The following TASOR2 variants were observed in gnomAD, a reference collection of about 807,000 sequenced individuals.
The protein encoded by TASOR2 is protein TASOR 2.
In TASOR2, 84 loss-of-function variants were observed where a neutral mutation model predicts 199.5. The observed-to-expected ratio is 0.42, with a 90% CI of 0.35 to 0.50. The LOEUF (loss-of-function observed/expected upper bound fraction) is 0.50. Among genes scored for constraint, TASOR2 ranks in the 20% least tolerant of loss-of-function variants. The probability of loss-of-function intolerance (pLI) is 0.02; values close to 1 mark genes in which losing one functional copy is unlikely to be tolerated. For synonymous variants in TASOR2, 1,103 were observed against 1,046.6 expected, an observed-to-expected ratio of 1.05 and a Z score of -1.04; for missense variants, 2,796 against 2,835.9, an observed-to-expected ratio of 0.99 and a Z score of 0.32.
intron 6 of TASOR2, among the ~76,000 whole-genome samples, chr10:5,721,578 G>A (rs1162707067): frequency 1.3e-5 from 2 of 151,970 alleles, no homozygotes; most frequent in African/African-American, 2.4e-5. Context: ...AGAGGTAGGA[G>A]TATAATAACC....
exon 15 of TASOR2, chr10:5,747,618 A>G (rs1166926811): frequency 6.2e-7 from 1 of 1,614,236 alleles, no homozygotes; most frequent in South Asian, 1.1e-5. Context: ...TTGAAGAAGT[A>G]TCACCAGCGT....
At chr10:5,733,431 C>G (rs964480369) in intron 11 of TASOR2, among the ~76,000 whole-genome samples, 6 of 152,142 alleles carry the variant, frequency 3.9e-5, no homozygotes, top group Admixed American at 1.3e-4. Flanking sequence ...TCTCTTGAAC[C>G]TGGGAGGGAG....
Position 5,740,935 on chromosome 10 carries a change from C to G in TASOR2, c.2327+438C>G, listed in dbSNP as rs1428495277. On this transcript the variant is annotated intron_variant, in intron 13 of 20. Coordinates refer to ENST00000328090, the Ensembl canonical transcript of TASOR2. The surrounding 1 kb of genome is among the most constrained non-coding windows in gnomAD (Gnocchi z 5.3). The stretch of plus-strand genomic sequence containing the variant: ...GTAAGCAGTTTCACATAAGATTGTT[C>G]TATAGATCTCCCTTAAGAAGGAATC... 6.6e-6 allele frequency among the ~76,000 whole-genome samples: 1 copy of G among 152,170 alleles called. No homozygotes were observed.
In TASOR2 at chr10:5,718,523, G is replaced by C. The variant is rs144563577; in HGVS notation, c.-100+773G>C. Among the ~76,000 whole-genome samples, 353 of 152,020 alleles carry C rather than the reference G, an allele frequency of 2.3e-3. 2 individuals are homozygous for C. The highest frequency in any genetic ancestry group is 8.1e-3 in the African/African-American group (336 of 41,488). On this transcript the variant is annotated intron_variant, in intron 3 of 20. Coordinates refer to ENST00000328090, the Ensembl canonical transcript of TASOR2. ...AGCACTTTGGGAGGCCGAGGCGGGT[G>C]GATCACCTGAGGTCAGGAGTTTGAG... is the stretch of plus-strand genomic sequence containing the variant.
exon 15 of TASOR2, chr10:5,749,728 G>A (rs755328662): frequency 1.2e-6 from 2 of 1,614,174 alleles, no homozygotes; most frequent in Non-Finnish European, 1.7e-6. Context: ...TACTGTGAAG[G>A]AATCTCGGAA....
intron 1 of TASOR2, among the ~76,000 whole-genome samples, chr10:5,703,661 G>C (rs1223485710): frequency 6.6e-6 from 1 of 151,270 alleles, no homozygotes; most frequent in East Asian, 1.9e-4. Flanking sequence ...CCGCCACCAC[G>C]CCCGGCTAAT....
chr10:5,714,548 A>G (rs1832357281), intron 2 of TASOR2: 1 of 174,666 alleles, frequency 5.7e-6, no homozygotes, highest in Non-Finnish European at 1.2e-5. Context: ...AACTTACACT[A>G]CAGTGATAAT....
intron 7 of TASOR2, 137 bp downstream of exon 8, chr10:5,723,914 G>T: frequency 2.1e-6 from 1 of 480,696 alleles, no homozygotes. Context: ...TAAGAAAGCT[G>T]TAGAGTTACT....
chr10:5,710,676 A>G lies in TASOR2; in HGVS notation c.-287-2147A>G, dbSNP rs977788543. ...AACTTAAATCTGTGCCTACCTATTA[A>G]TGACTTACAGAATTTAGAGAAGTTG... On this transcript the variant is annotated intron_variant, in intron 1 of 20. Coordinates refer to ENST00000328090, the Ensembl canonical transcript of TASOR2. The surrounding 1 kb of genome is among the most constrained non-coding windows in gnomAD (Gnocchi z 4.6). Among the ~76,000 whole-genome samples the G allele has an allele frequency of 1.3e-5, 2 of 152,124 alleles. No individual in the cohort carries two copies.
rs192076770 is a variant in TASOR2 at position 5,755,988 on chromosome 10, T to A, written c.6607-625T>A. ...GCCTGGGTGACAGAGTGAGACCATG[T>A]CTCAAAAAAAAAAGCAAAGAAATGT... On this transcript the variant is annotated intron_variant, in intron 15 of 20. Transcript: ENST00000328090. Among the ~76,000 whole-genome samples, 928 of 151,236 alleles carry A rather than the reference T, an allele frequency of 6.1e-3. 16 individuals are homozygous for A. The highest frequency in any genetic ancestry group is 0.045 in the South Asian group (215 of 4,758).
exon 15 of TASOR2, chr10:5,749,472 T>G (rs768612541): frequency 6.2e-6 from 10 of 1,614,154 alleles, no homozygotes; most frequent in Non-Finnish European, 8.5e-6. Context: ...CCATTGGTGC[T>G]TTCCCTTCGA....
chr10:5,747,405 G>T, exon 15 of TASOR2: 1 of 1,614,132 alleles, frequency 6.2e-7, no homozygotes, highest in Non-Finnish European at 8.5e-7. Flanking sequence ...AACCGGAAGA[G>T]GTGGCTCTCA....
exon 12 of TASOR2, chr10:5,735,511 A>G (rs1371829877): frequency 1.9e-6 from 3 of 1,614,052 alleles, no homozygotes; most frequent in Non-Finnish European, 1.7e-6. Flanking sequence ...GTAAAAGGCA[A>G]TGAGAACCCC....
At position 5,722,509 on chromosome 10, in the gene TASOR2, T is replaced by C. The variant is rs992360150; in HGVS notation, c.147-1168T>C. On this transcript the variant is annotated intron_variant, in intron 6 of 20. Coordinates refer to ENST00000328090, the Ensembl canonical transcript of TASOR2. This position sits in a 1 kb window ranked among gnomAD's most constrained non-coding sequence, Gnocchi z 4.0. ...TAAAGGAATCACACAGAGAGGTATG[T>C]GACATAAAAGGGCATCAGGTTTGCA... Among the ~76,000 whole-genome samples the C allele has an allele frequency of 2.6e-5, 4 of 151,858 alleles. No individual in the cohort carries two copies. The highest frequency in any genetic ancestry group is 5.9e-5 in the Non-Finnish European group (4 of 67,974).
At chr10:5,711,558 G>C (rs1831910845) in intron 1 of TASOR2, among the ~76,000 whole-genome samples, 2 of 152,120 alleles carry the variant, frequency 1.3e-5, no homozygotes, top group Admixed American at 1.3e-4. Context: ...AAAATGGTTA[G>C]ATGCAAGAGT....
intron 10 of TASOR2, 22 bp downstream of exon 11, chr10:5,727,145 G>C (rs1481661920): frequency 6.2e-7 from 1 of 1,613,138 alleles, no homozygotes; most frequent in Non-Finnish European, 8.5e-7. Flanking sequence ...ATGGTTTCCA[G>C]CTCACTCTGT....
chr10:5,754,287 C>A lies in TASOR2; in HGVS notation c.6607-2326C>A, dbSNP rs1158792191. On this transcript the variant is annotated intron_variant, in intron 15 of 20. Coordinates refer to ENST00000328090, the Ensembl canonical transcript of TASOR2. This position sits in a 1 kb window ranked among gnomAD's most constrained non-coding sequence, Gnocchi z 4.3. ...TGCCCGACAGAGTGAGACTCCACAA[C>A]AGAGCAGTAATCTTAGTTCTCACTT... Among the ~76,000 whole-genome samples, 1 of 152,166 alleles carries A rather than the reference C, an allele frequency of 6.6e-6. No homozygotes were observed. Among genetic ancestry groups the A allele is most frequent in the Non-Finnish European group, 1.5e-5 (1 of 68,038 alleles).
intron 10 of TASOR2, among the ~76,000 whole-genome samples, chr10:5,728,925 G>A (rs7093204): frequency 1.3e-5 from 2 of 150,568 alleles, no homozygotes; most frequent in South Asian, 2.1e-4. Context: ...TTTTATTTTT[G>A]TTTTTTAGTT....
In TASOR2 at chr10:5,690,519, C is replaced by A. The variant is rs1172923733; in HGVS notation, c.-288+5344C>A. Among the ~76,000 whole-genome samples, 1 of 152,174 alleles carries A rather than the reference C, an allele frequency of 6.6e-6. No homozygotes were observed. The highest frequency in any genetic ancestry group is 2.4e-5 in the African/African-American group (1 of 41,424). On this transcript the variant is annotated intron_variant, in intron 1 of 20. Coordinates refer to ENST00000328090, the Ensembl canonical transcript of TASOR2. The surrounding 1 kb of genome is among the most constrained non-coding windows in gnomAD (Gnocchi z 4.8). ...ATCCCCTATTTATCTGTGCCCAGGA[C>A]ATTTTGCGTGGGCTACGTGTAGAGG...
Sources: gnomAD v4.1 joint callset for allele counts (sites outside exome capture counted in the v4.1 genomes callset) on GRCh38, gnomAD v4.1.1 for gene constraint, Gnocchi (gnomAD v3.1) non-coding constraint, MANE v1.5 for transcripts, NCBI Gene and HGNC (gene_info 2026-07-23, HGNC 2026-07-21) for gene names.